Variants in ARMH3 observed in about 807,000 individuals in gnomAD.
ARMH3 encodes armadillo like helical domain containing 3, also known as armadillo-like helical domain-containing protein 3.
In ARMH3, 60 loss-of-function variants were observed where a neutral mutation model predicts 99.1. That is an observed-to-expected ratio of 0.61 (90% CI 0.49 to 0.75). The LOEUF (loss-of-function observed/expected upper bound fraction) is 0.75. Among genes scored for constraint, ARMH3 ranks in the 30% least tolerant of loss-of-function variants. The pLI, the probability that ARMH3 is intolerant of heterozygous loss-of-function variation, is 0.00. For missense variants in ARMH3, 679 were observed against 843.1 expected (o/e 0.81, Z 2.41); for synonymous variants, 285 against 292.8 (o/e 0.97, Z 0.27).
At chr10:101,916,957 G>T (rs1843113473) in intron 23 of ARMH3, among the ~76,000 whole-genome samples, 1 of 152,164 alleles carries the variant, frequency 6.6e-6, no homozygotes, top group Non-Finnish European at 1.5e-5. Context: ...TACCACCCAA[G>T]TTCTCAGTCC....
At chr10:101,922,637 T>C (rs1283617979) in intron 23 of ARMH3, among the ~76,000 whole-genome samples, 1 of 152,224 alleles carries the variant, frequency 6.6e-6, no homozygotes, top group Non-Finnish European at 1.5e-5. Flanking sequence ...ATAGAATTTA[T>C]CAAATAGTTC....
At chr10:101,880,185 C>A (rs890973310) in intron 24 of ARMH3, among the ~76,000 whole-genome samples, 4 of 152,192 alleles carry the variant, frequency 2.6e-5, no homozygotes, top group Admixed American at 6.5e-5. Context: ...TGATGCCAAG[C>A]ACAGAAAACT....
chr10:101,993,753 A>T, intron 16 of ARMH3, 150 bp from the exon 17 acceptor site: 1 of 494,004 alleles, frequency 2.0e-6, no homozygotes, highest in Non-Finnish European at 3.5e-6. Context: ...CTTATGTCAA[A>T]CCCTACTTAA....
At chr10:101,991,370 G>T (rs1846784378) in intron 18 of ARMH3, among the ~76,000 whole-genome samples, 1 of 151,982 alleles carries the variant, frequency 6.6e-6, no homozygotes, top group Admixed American at 6.6e-5. Flanking sequence ...TTCAAACCAA[G>T]AAAGGATGGG....
intron 24 of ARMH3, among the ~76,000 whole-genome samples, chr10:101,851,820 T>C (rs138508899): frequency 4.2e-4 from 64 of 152,356 alleles, no homozygotes; most frequent in African/African-American, 1.4e-3. Context: ...TTTTGCCTGG[T>C]GTGTCCCACA....
intron 23 of ARMH3, among the ~76,000 whole-genome samples, chr10:101,889,909 G>A: frequency 6.6e-6 from 1 of 152,126 alleles, no homozygotes; most frequent in Non-Finnish European, 1.5e-5. Flanking sequence ...AGGCTAAATA[G>A]AAGCAATCTT....
chr10:101,914,478 A>G (rs561767182), intron 23 of ARMH3, among the ~76,000 whole-genome samples: 4 of 140,140 alleles, frequency 2.9e-5, no homozygotes, highest in Non-Finnish European at 6.1e-5. Flanking sequence ...ACAGAGCGAG[A>G]CTCTGTCTCA....
chr10:101,900,695 G>A (rs549148189), intron 23 of ARMH3, among the ~76,000 whole-genome samples: 14 of 152,286 alleles, frequency 9.2e-5, no homozygotes, highest in Non-Finnish European at 1.6e-4. Context: ...AAATAAAGGC[G>A]AATTGGCTGG....
intron 20 of ARMH3, among the ~76,000 whole-genome samples, chr10:101,963,530 C>T (rs1845400793): frequency 1.3e-5 from 2 of 152,208 alleles, no homozygotes; most frequent in African/African-American, 4.8e-5. Context: ...CTCAGCCCTA[C>T]AAAGTGCTGA....
chr10:101,940,558 C>T (rs1046904155), intron 22 of ARMH3, among the ~76,000 whole-genome samples: 1 of 152,108 alleles, frequency 6.6e-6, no homozygotes, highest in East Asian at 1.9e-4. Flanking sequence ...CCCAATAACT[C>T]GTCATTTACA....
At chr10:102,019,630 T>A (rs1323483101) in intron 8 of ARMH3, among the ~76,000 whole-genome samples, 1 of 151,952 alleles carries the variant, frequency 6.6e-6, no homozygotes, top group Non-Finnish European at 1.5e-5. Flanking sequence ...AAAAATTGTT[T>A]AACTAAAAAA....
intron 20 of ARMH3, among the ~76,000 whole-genome samples, chr10:101,973,929 T>C (rs1590113497): frequency 6.6e-6 from 1 of 152,248 alleles, no homozygotes; most frequent in Non-Finnish European, 1.5e-5. Context: ...CCTATGCTTT[T>C]AGAGCCTAAC....
At chr10:101,920,715 T>A (rs976108686) in intron 23 of ARMH3, among the ~76,000 whole-genome samples, 10 of 152,050 alleles carry the variant, frequency 6.6e-5, no homozygotes, top group African/African-American at 1.9e-4. Context: ...GCAGTATCAT[T>A]CATAGTAGCC....
At chr10:101,944,290 A>AGC in intron 22 of ARMH3, among the ~76,000 whole-genome samples, 7 of 72,576 alleles carry the variant, frequency 9.6e-5, no homozygotes, top group Non-Finnish European at 1.6e-4. Context: ...AGAGAGAGAG[A>AGC]GAGAGAGAGA....
At chr10:102,049,865 T>A (rs563197835) in intron 1 of ARMH3, among the ~76,000 whole-genome samples, 1 of 152,070 alleles carries the variant, frequency 6.6e-6, no homozygotes, top group African/African-American at 2.4e-5. Flanking sequence ...CCCCAACCTA[T>A]TTTTACAATG....
intron 22 of ARMH3, among the ~76,000 whole-genome samples, chr10:101,943,351 T>C (rs1403540889): frequency 2.0e-5 from 3 of 152,192 alleles, no homozygotes; most frequent in Admixed American, 6.5e-5. Flanking sequence ...AAATAACTTA[T>C]GTTTCCACCA....
chr10:101,913,936 T>C (rs1374023846), intron 23 of ARMH3, among the ~76,000 whole-genome samples: 1 of 152,240 alleles, frequency 6.6e-6, no homozygotes, highest in Non-Finnish European at 1.5e-5. Flanking sequence ...GATTGTACCC[T>C]GGCCTTCAGC....
chr10:101,986,838 A>G (rs1386334663), intron 19 of ARMH3, among the ~76,000 whole-genome samples: 1 of 152,168 alleles, frequency 6.6e-6, no homozygotes, highest in Non-Finnish European at 1.5e-5. Context: ...TAATGAAGAA[A>G]GTGAATTCAG....
At chr10:102,029,998 A>G (rs1247426214) in intron 4 of ARMH3, among the ~76,000 whole-genome samples, 2 of 151,278 alleles carry the variant, frequency 1.3e-5, no homozygotes, top group African/African-American at 4.9e-5. Context: ...ACAGCTCACT[A>G]CAGCCTTGAC....
Sources: gnomAD v4.1 joint callset for allele counts (sites outside exome capture counted in the v4.1 genomes callset) on GRCh38, gnomAD v4.1.1 for gene constraint, MANE v1.5 for transcripts, NCBI Gene and HGNC (gene_info 2026-07-23, HGNC 2026-07-21) for gene names.